The following SDR16C5 variants were observed in gnomAD, a reference collection of about 807,000 sequenced individuals.
The protein encoded by SDR16C5 is epidermal retinol dehydrogenase 2.
SDR16C5 carries 20 observed loss-of-function variants against 27.7 expected under a neutral mutation model. The ratio of observed to expected loss-of-function variants is 0.72; its 90% CI spans 0.51 to 1.05. SDR16C5 has a LOEUF of 1.05. Ranked by LOEUF, SDR16C5 falls within the 50% of genes least tolerant of loss-of-function variation. The pLI is 0.00. For missense variants in SDR16C5, 374 were observed against 366.3 expected (o/e 1.02, Z -0.17); for synonymous variants, 139 against 132.3 (o/e 1.05, Z -0.35).
intron 5 of SDR16C5, 56 bp downstream of exon 5, chr8:56,306,620 A>T: frequency 6.9e-7 from 1 of 1,454,824 alleles, no homozygotes; most frequent in South Asian, 1.3e-5. Flanking sequence ...GAACAAAATA[A>T]AATAGCAAAA....
At chr8:56,305,870 TTTA>T (rs1457941200) in intron 5 of SDR16C5, 148 bp from the exon 6 acceptor site, 2 of 790,650 alleles carry the variant, frequency 2.5e-6, no homozygotes, top group Non-Finnish European at 3.9e-6. Flanking sequence ...TATTTACTCC[TTTA>T]TTATCAATGT....
chr8:56,310,137 AG>A (rs1563441064), intron 3 of SDR16C5, among the ~76,000 whole-genome samples: 9 of 40,152 alleles, frequency 2.2e-4, no homozygotes, highest in African/African-American at 1.3e-3. Flanking sequence ...AGGAGGAGGG[AG>A]GAGGAGGAGG....
intron 3 of SDR16C5, 77 bp downstream of exon 3, chr8:56,312,080 T>C: frequency 7.8e-7 from 1 of 1,282,410 alleles, no homozygotes; most frequent in Non-Finnish European, 1.1e-6. Context: ...GCTAATAATA[T>C]TGTAAAAGAG....
At chr8:56,303,231 T>G (rs1261419013) in intron 6 of SDR16C5, among the ~76,000 whole-genome samples, 1 of 151,220 alleles carries the variant, frequency 6.6e-6, no homozygotes, top group African/African-American at 2.4e-5. Flanking sequence ...GGAGAATCAC[T>G]TGAACCAGGG....
rs1814711821 is a variant in SDR16C5 at position 56,300,068 on chromosome 8, T to C, written c.*1412A>G. ...CCAAATACCTTCATCATTCTTTGAG[T>C]AATGATTGACAGTCTCGTTTAATGA... On this transcript the variant is annotated 3_prime_UTR_variant, in exon 7 of 7. Coordinates refer to ENST00000303749, the MANE Select transcript of SDR16C5 (RefSeq NM_138969.4). 6.6e-6 allele frequency: 1 copy of C among 152,198 alleles called. No individual in the cohort carries two copies. Among genetic ancestry groups the C allele is most frequent in the African/African-American group, 2.4e-5 (1 of 41,448 alleles). The allele number at this position is 152,198 out of a possible 1,614,324, so 9.4% of individuals were successfully genotyped here.
chr8:56,313,881 T>C (rs1815115098), intron 2 of SDR16C5, among the ~76,000 whole-genome samples: 1 of 152,136 alleles, frequency 6.6e-6, no homozygotes, highest in African/African-American at 2.4e-5. Flanking sequence ...AAGCTTTCTC[T>C]TTGATTGCTC....
At chr8:56,304,102 T>G (rs1006840728) in intron 6 of SDR16C5, 3 of 702,062 alleles carry the variant, frequency 4.3e-6, no homozygotes, top group Non-Finnish European at 7.8e-6. Context: ...AATGATAGTA[T>G]GCAAGAATGA....
intron 1 of SDR16C5, among the ~76,000 whole-genome samples, chr8:56,317,707 C>T (rs1369205399): frequency 6.6e-6 from 1 of 152,148 alleles, no homozygotes; most frequent in Admixed American, 6.5e-5. Context: ...TGTCGAGAGT[C>T]GATGCAACCC....
intron 6 of SDR16C5, 64 bp downstream of exon 6, chr8:56,305,533 G>C: frequency 7.2e-7 from 1 of 1,398,114 alleles, no homozygotes; most frequent in Non-Finnish European, 9.6e-7. Context: ...GGCTTCTCCT[G>C]GTGGGATTTG....
At chr8:56,309,713 C>T (rs1456255745) in intron 3 of SDR16C5, 1 of 333,458 alleles carries the variant, frequency 3.0e-6, no homozygotes, top group Non-Finnish European at 4.3e-6. Flanking sequence ...CCAAACCTCA[C>T]TTGTTTGCCT....
At chr8:56,317,145 T>G (rs1444097807) in intron 1 of SDR16C5, among the ~76,000 whole-genome samples, 1 of 152,124 alleles carries the variant, frequency 6.6e-6, no homozygotes, top group Non-Finnish European at 1.5e-5. Context: ...GGTCTCTTCA[T>G]CTATATTGGT....
intron 3 of SDR16C5, among the ~76,000 whole-genome samples, chr8:56,310,637 G>C (rs1815022311): frequency 1.3e-5 from 2 of 151,290 alleles, no homozygotes; most frequent in South Asian, 4.2e-4. Context: ...AGAATTGCTT[G>C]AACCCGGGAG....
chr8:56,315,968 A>G (rs185861008), intron 2 of SDR16C5, 47 bp downstream of exon 2: 2 of 1,305,084 alleles, frequency 1.5e-6, no homozygotes, highest in African/African-American at 1.5e-5. Flanking sequence ...CAAGTGAAAA[A>G]GAGTGTGATG....
intron 3 of SDR16C5, among the ~76,000 whole-genome samples, chr8:56,311,797 C>CA (rs1815051160): frequency 6.6e-6 from 1 of 152,248 alleles, no homozygotes; most frequent in Non-Finnish European, 1.5e-5. Flanking sequence ...TGTCTAAGTG[C>CA]AGTTGCTCGC....
chr8:56,308,938 AT>A lies in SDR16C5; in HGVS notation c.554del (p.Asn185MetfsTer22). 1 of 1,609,850 alleles carries A rather than the reference AT, an allele frequency of 6.2e-7. No homozygotes were observed. Among genetic ancestry groups the A allele is most frequent in the Non-Finnish European group, 8.5e-7 (1 of 1,178,448 alleles). On this transcript the variant is annotated frameshift_variant, in exon 4 of 7. Coordinates refer to ENST00000303749, the MANE Select transcript of SDR16C5 (RefSeq NM_138969.4). LOFTEE classifies it high-confidence loss of function. ...CTATGTTTTTCTTACCTGCCAGCCC[AT>A]TTACTCCACTTAATCCAGCTGAACT... ...ISSSAGLSGV[N>X]GLADYCASKF... is the part of the protein sequence containing the mutation.
chr8:56,316,467 T>C, intron 1 of SDR16C5, 106 bp from the exon 2 acceptor site: 1 of 709,020 alleles, frequency 1.4e-6, no homozygotes, highest in Admixed American at 2.5e-5. Flanking sequence ...AACTGAGATA[T>C]GTGATTTAAA....
rs1296268929 is a variant in SDR16C5, at chr8:56,309,438, A to G, written c.466-411T>C. ...CAAATTTTCCCTGAACATTGTTCAC[A>G]GGACATCTGGCTGTTGACTTCAATT... is the stretch of plus-strand genomic sequence containing the variant. On this transcript the variant is annotated intron_variant, in intron 3 of 6. Coordinates refer to ENST00000303749, the MANE Select transcript of SDR16C5 (RefSeq NM_138969.4). The G allele has an allele frequency of 3.0e-6, 3 of 985,298 alleles. No individual in the cohort carries two copies. The African/African-American group carries it at 5.2e-5, about 17-fold the overall frequency. The allele number at this position is 985,298 out of a possible 1,614,324, so 61.0% of individuals were successfully genotyped here. A position where few individuals can be genotyped will look rare whatever the true frequency, so the allele number is the denominator to read the frequency against.
chr8:56,318,255 T>C (rs923796850), intron 1 of SDR16C5, among the ~76,000 whole-genome samples: 1 of 152,216 alleles, frequency 6.6e-6, no homozygotes, highest in African/African-American at 2.4e-5. Flanking sequence ...TCTGGTCAAA[T>C]GAAGAACGTT....
At chr8:56,318,388 G>A (rs994977430) in intron 1 of SDR16C5, among the ~76,000 whole-genome samples, 1 of 152,220 alleles carries the variant, frequency 6.6e-6, no homozygotes, top group African/African-American at 2.4e-5. Context: ...TTGAAAAGGT[G>A]TCCTGAAAGA....
Sources: gnomAD v4.1 joint callset for allele counts (sites outside exome capture counted in the v4.1 genomes callset) on GRCh38, gnomAD v4.1.1 for gene constraint, MANE v1.5 for transcripts, NCBI Gene and HGNC (gene_info 2026-07-23, HGNC 2026-07-21) for gene names.